Variants in SMAP1 observed in about 807,000 individuals in gnomAD.
SMAP1 encodes small ArfGAP 1.
In SMAP1, 24 loss-of-function variants were observed where a neutral mutation model predicts 58.5. That is an observed-to-expected ratio of 0.41 (90% CI 0.30 to 0.58). SMAP1 has a LOEUF of 0.58. SMAP1 is among the 20% of genes least tolerant of loss of function. The pLI is 0.29. For missense variants in SMAP1, 563 were observed against 566.3 expected (o/e 0.99, Z 0.06); for synonymous variants, 216 against 196.6 (o/e 1.10, Z -0.82).
chr6:70,701,821 C>T (rs577664600), intron 1 of SMAP1, among the ~76,000 whole-genome samples: 1 of 152,274 alleles, frequency 6.6e-6, no homozygotes, highest in East Asian at 1.9e-4. Flanking sequence ...AAACCAGATA[C>T]TTTGGTTCTT....
At chr6:70,714,306 T>C (rs1259120189) in intron 1 of SMAP1, among the ~76,000 whole-genome samples, 1 of 152,170 alleles carries the variant, frequency 6.6e-6, no homozygotes, top group Non-Finnish European at 1.5e-5. Context: ...AGTTGTTTTG[T>C]CCTCCTTTTT....
intron 8 of SMAP1, among the ~76,000 whole-genome samples, chr6:70,855,899 C>T (rs1269101166): frequency 6.6e-6 from 1 of 152,116 alleles, no homozygotes; most frequent in Non-Finnish European, 1.5e-5. Flanking sequence ...GGCTTTTTGT[C>T]GCTTACAATT....
Position 70,762,420 on chromosome 6 carries a change from A to T in SMAP1, c.338+7355A>T, listed in dbSNP as rs990771327. Among the ~76,000 whole-genome samples, 4 of 152,038 alleles carry T rather than the reference A, an allele frequency of 2.6e-5. No individual in the cohort carries two copies. In the South Asian group the frequency reaches 8.3e-4, roughly 32 times the overall value. On this transcript the variant is annotated intron_variant, in intron 3 of 10. Coordinates refer to ENST00000370455, the MANE Select transcript of SMAP1 (RefSeq NM_001044305.3). ...TGGGCCTTTAAGGAAAAGTTTGCCA[A>T]CCCCTGGGATAAATAACTGTTTCTT...
At chr6:70,686,296 G>A (rs755068652) in intron 1 of SMAP1, among the ~76,000 whole-genome samples, 12 of 152,020 alleles carry the variant, frequency 7.9e-5, no homozygotes, top group Non-Finnish European at 1.3e-4. Flanking sequence ...TTCATTGCTT[G>A]TTTTGTTTTC....
chr6:70,678,152 G>C (rs1018437186), intron 1 of SMAP1, among the ~76,000 whole-genome samples: 1 of 152,208 alleles, frequency 6.6e-6, no homozygotes, highest in Non-Finnish European at 1.5e-5. Flanking sequence ...GAAGGAAAGA[G>C]AATTAAAAGT....
At chr6:70,676,220 A>G (rs905575146) in intron 1 of SMAP1, among the ~76,000 whole-genome samples, 3 of 152,240 alleles carry the variant, frequency 2.0e-5, no homozygotes, top group African/African-American at 7.2e-5. Flanking sequence ...ACAACTGTAT[A>G]TTGAATCTTT....
intron 1 of SMAP1, among the ~76,000 whole-genome samples, chr6:70,704,804 C>T (rs1025848976): frequency 6.6e-6 from 1 of 152,168 alleles, no homozygotes; most frequent in Non-Finnish European, 1.5e-5. Context: ...TTCAGAGTGT[C>T]ATTTTAGCCA....
At chr6:70,780,946 T>C (rs1393482648) in intron 4 of SMAP1, among the ~76,000 whole-genome samples, 1 of 152,268 alleles carries the variant, frequency 6.6e-6, no homozygotes, top group Admixed American at 6.5e-5. Context: ...TGAAGTATAC[T>C]CTATTCTTAT....
rs147890649 is a variant in SMAP1, at chr6:70,710,834, A to G, written c.119-21544A>G. 1.8e-4 allele frequency among the ~76,000 whole-genome samples: 28 copies of G among 152,274 alleles called. No individual in the cohort carries two copies. The East Asian group carries it at 5.0e-3, about 27-fold the overall frequency. On this transcript the variant is annotated intron_variant, in intron 1 of 10. Coordinates refer to ENST00000370455, the MANE Select transcript of SMAP1 (RefSeq NM_001044305.3). ...GGCATTTTCTTTATATCCTTATTCT[A>G]TAAGCTTTTGTCTATTATTATTATT... is the stretch of plus-strand genomic sequence containing the variant.
intron 3 of SMAP1, among the ~76,000 whole-genome samples, chr6:70,768,823 G>C (rs141015987): frequency 0.023 from 3,560 of 152,176 alleles, 50 homozygotes; most frequent in Non-Finnish European, 0.037. Context: ...TGCTTTTCTA[G>C]TTCTTTTAAT....
At chr6:70,838,788 C>T (rs1770697708) in intron 7 of SMAP1, among the ~76,000 whole-genome samples, 1 of 152,120 alleles carries the variant, frequency 6.6e-6, no homozygotes, top group Non-Finnish European at 1.5e-5. Flanking sequence ...GGCTTTAACT[C>T]TGAGTGACCT....
intron 1 of SMAP1, among the ~76,000 whole-genome samples, chr6:70,676,667 A>G (rs867559967): frequency 6.6e-6 from 1 of 152,240 alleles, no homozygotes; most frequent in Non-Finnish European, 1.5e-5. Flanking sequence ...AATGTGGACA[A>G]TATCTTCATT....
intron 1 of SMAP1, among the ~76,000 whole-genome samples, chr6:70,708,054 A>G (rs1266160538): frequency 2.0e-5 from 3 of 152,114 alleles, no homozygotes; most frequent in African/African-American, 4.8e-5. Flanking sequence ...TATGCTGAAC[A>G]TTATATCTCT....
chr6:70,756,399 G>A (rs1371480335), intron 3 of SMAP1, among the ~76,000 whole-genome samples: 4 of 152,030 alleles, frequency 2.6e-5, no homozygotes, highest in South Asian at 4.1e-4. Flanking sequence ...TGTATTTGGC[G>A]TTTTCTGTTT....
intron 1 of SMAP1, among the ~76,000 whole-genome samples, chr6:70,679,124 A>G (rs1401210686): frequency 1.3e-5 from 2 of 151,816 alleles, no homozygotes; most frequent in Non-Finnish European, 2.9e-5. Context: ...CCCCGGTTCA[A>G]GCGATTCTCC....
chr6:70,799,605 A>G (rs373165352), intron 6 of SMAP1, among the ~76,000 whole-genome samples: 10 of 152,326 alleles, frequency 6.6e-5, no homozygotes, highest in African/African-American at 2.4e-4. Context: ...TTATTGAGGC[A>G]TAAATTGGAT....
At position 70,785,667 on chromosome 6, in the gene SMAP1, C is replaced by G. The variant is rs1444026755; in HGVS notation, c.415-6022C>G. ...TACAAACTACCATCAGAGAATACGA[C>G]AAACACCTCTACGCAAATAAACTAG... On this transcript the variant is annotated intron_variant, in intron 4 of 10. Transcript: ENST00000370455. Among the ~76,000 whole-genome samples, 6 of 152,288 alleles carry G rather than the reference C, an allele frequency of 3.9e-5. No homozygotes were observed. The South Asian group carries it at 1.0e-3, about 26-fold the overall frequency.
chr6:70,742,871 GA>G (rs1765874466), intron 2 of SMAP1, among the ~76,000 whole-genome samples: 1 of 152,184 alleles, frequency 6.6e-6, no homozygotes, highest in South Asian at 2.1e-4. Context: ...AGAGCCAAGT[GA>G]AAGAGGTTTC....
At chr6:70,715,121 C>T (rs1322780344) in intron 1 of SMAP1, among the ~76,000 whole-genome samples, 5 of 113,480 alleles carry the variant, frequency 4.4e-5, no homozygotes, top group Non-Finnish European at 8.4e-5. Flanking sequence ...TTTTTGGAGA[C>T]ATGGTCTTAT....
Sources: allele counts gnomAD v4.1 joint callset (sites outside exome capture counted in the v4.1 genomes callset), GRCh38; gene constraint gnomAD v4.1.1; transcripts MANE v1.5; gene names NCBI Gene and HGNC (gene_info 2026-07-23, HGNC 2026-07-21).